GRID2: variants seen among roughly 807,000 people sequenced by gnomAD.
The protein encoded by GRID2 is glutamate receptor ionotropic, delta-2.
A neutral mutation model predicts 114.8 loss-of-function variants in GRID2; 33 were observed. The observed-to-expected ratio is 0.29, with a 90% CI of 0.22 to 0.38. The LOEUF is 0.38. Ranked by LOEUF, GRID2 falls within the 10% of genes least tolerant of loss-of-function variation. GRID2 has a pLI of 1.00. For missense variants in GRID2, 1,184 were observed against 1,257.7 expected (o/e 0.94, Z 0.89); for synonymous variants, 505 against 449.9 (o/e 1.12, Z -1.55).
intron 1 of GRID2, among the ~76,000 whole-genome samples, chr4:92,305,095 G>C (rs1725307220): frequency 6.6e-6 from 1 of 151,840 alleles, no homozygotes; most frequent in African/African-American, 2.4e-5. Context: ...TTTTTTTCCC[G>C]GATGTACATT....
chr4:92,685,066 T>C (rs1266970967), intron 2 of GRID2, among the ~76,000 whole-genome samples: 2 of 152,096 alleles, frequency 1.3e-5, no homozygotes, highest in African/African-American at 4.8e-5. Flanking sequence ...TTATTTCCTT[T>C]GTTAACTCGT....
At chr4:92,399,128 T>A (rs1730653222) in intron 1 of GRID2, among the ~76,000 whole-genome samples, 1 of 152,148 alleles carries the variant, frequency 6.6e-6, no homozygotes, top group Admixed American at 6.6e-5. Flanking sequence ...TGTGGAGATA[T>A]CAAAAAGGAC....
intron 10 of GRID2, among the ~76,000 whole-genome samples, chr4:93,446,271 A>G (rs1722085517): frequency 6.6e-6 from 1 of 151,982 alleles, no homozygotes. Context: ...CCAGCCCTCC[A>G]ATGCTCTGTT....
intron 8 of GRID2, among the ~76,000 whole-genome samples, chr4:93,361,015 C>G (rs1761833061): frequency 6.6e-6 from 1 of 151,852 alleles, no homozygotes; most frequent in South Asian, 2.1e-4. Context: ...AATTTTTCTC[C>G]AAATTCTATT....
At chr4:92,721,864 T>C (rs1735824969) in intron 2 of GRID2, among the ~76,000 whole-genome samples, 1 of 152,206 alleles carries the variant, frequency 6.6e-6, no homozygotes, top group Admixed American at 6.5e-5. Flanking sequence ...ACACATTTAA[T>C]GCCACAAGTC....
intron 3 of GRID2, among the ~76,000 whole-genome samples, chr4:93,103,354 C>T (rs1731883918): frequency 1.3e-5 from 2 of 152,072 alleles, no homozygotes; most frequent in Non-Finnish European, 2.9e-5. Flanking sequence ...ATCTCTACCC[C>T]AGAGTCGGCT....
chr4:93,681,288 G>C (rs543582225), intron 14 of GRID2, among the ~76,000 whole-genome samples: 2,041 of 151,410 alleles, frequency 0.013, 39 homozygotes, highest in Non-Finnish European at 0.02. Context: ...AGGATACCAA[G>C]AAATGGAAGA....
At chr4:93,533,937 C>T (rs1731762920) in intron 13 of GRID2, among the ~76,000 whole-genome samples, 1 of 152,078 alleles carries the variant, frequency 6.6e-6, no homozygotes, top group South Asian at 2.1e-4. Flanking sequence ...CAATAGCTTG[C>T]AAGGCTGAAT....
intron 2 of GRID2, among the ~76,000 whole-genome samples, chr4:92,703,235 T>A (rs1734769913): frequency 6.6e-6 from 1 of 152,192 alleles, no homozygotes; most frequent in Non-Finnish European, 1.5e-5. Flanking sequence ...TATATCTATT[T>A]TGTGCTTAAC....
At chr4:92,671,284 G>T (rs1363334800) in intron 2 of GRID2, among the ~76,000 whole-genome samples, 1 of 151,842 alleles carries the variant, frequency 6.6e-6, no homozygotes, top group Non-Finnish European at 1.5e-5. Context: ...CAACAAGGGG[G>T]AAATCCCATG....
chr4:93,370,087 G>A (rs1214149796), intron 8 of GRID2, among the ~76,000 whole-genome samples: 2 of 151,786 alleles, frequency 1.3e-5, no homozygotes, highest in Non-Finnish European at 1.5e-5. Flanking sequence ...AATTCCCTTA[G>A]GTTAAGCCCA....
At chr4:92,662,587 G>T (rs1472694743) in intron 2 of GRID2, among the ~76,000 whole-genome samples, 1 of 149,236 alleles carries the variant, frequency 6.7e-6, no homozygotes, top group Non-Finnish European at 1.5e-5. Flanking sequence ...CAGGGATAAA[G>T]AATAAAAAAA....
At chr4:92,893,383 C>T (rs1009646885) in intron 2 of GRID2, among the ~76,000 whole-genome samples, 2 of 152,136 alleles carry the variant, frequency 1.3e-5, no homozygotes, top group African/African-American at 4.8e-5. Context: ...CACTTTTCAA[C>T]CCAGGGGCAT....
intron 1 of GRID2, among the ~76,000 whole-genome samples, chr4:92,458,739 T>C (rs939760286): frequency 6.6e-6 from 1 of 152,202 alleles, no homozygotes; most frequent in African/African-American, 2.4e-5. Context: ...TCACCCAACA[T>C]TTATTAAGAA....
intron 1 of GRID2, among the ~76,000 whole-genome samples, chr4:92,494,182 T>C (rs1395270197): frequency 6.6e-6 from 1 of 152,110 alleles, no homozygotes; most frequent in African/African-American, 2.4e-5. Flanking sequence ...CTCTATTATG[T>C]TGATGTGAAC....
chr4:93,393,199 C>G (rs1002993950), intron 8 of GRID2, among the ~76,000 whole-genome samples: 2 of 151,948 alleles, frequency 1.3e-5, no homozygotes, highest in African/African-American at 4.8e-5. Context: ...TTGACATCCA[C>G]AGCTAATATT....
intron 2 of GRID2, among the ~76,000 whole-genome samples, chr4:93,069,499 G>T (rs1208910134): frequency 1.3e-5 from 2 of 151,898 alleles, no homozygotes; most frequent in African/African-American, 4.8e-5. Context: ...GACTCTAGTA[G>T]CACCCAACCC....
chr4:93,394,150 A>G (rs1373655781), intron 8 of GRID2, among the ~76,000 whole-genome samples: 3 of 152,010 alleles, frequency 2.0e-5, no homozygotes, highest in African/African-American at 7.2e-5. Flanking sequence ...GAAAAGCTCA[A>G]AAGAAATTTC....
intron 2 of GRID2, among the ~76,000 whole-genome samples, chr4:92,868,016 T>TTATCTTTC (rs1744999999): frequency 7.5e-6 from 1 of 132,768 alleles, no homozygotes. Context: ...TACTGAAAGG[T>TTATCTTTC]TTTCTTTCTT....
Sources: allele counts gnomAD v4.1 joint callset (sites outside exome capture counted in the v4.1 genomes callset), GRCh38; gene constraint gnomAD v4.1.1; transcripts MANE v1.5; gene names NCBI Gene and HGNC (gene_info 2026-07-23, HGNC 2026-07-21).